The following ZBTB44 variants were observed in gnomAD, a reference collection of about 807,000 sequenced individuals.
ZBTB44 encodes zinc finger and BTB domain containing 44, also known as zinc finger and BTB domain-containing protein 44.
Under a neutral mutation model 54.0 loss-of-function variants are expected in ZBTB44, and 15 were observed. That is an observed-to-expected ratio of 0.28 (90% CI 0.19 to 0.43). The LOEUF (loss-of-function observed/expected upper bound fraction) is 0.43, where lower values mean the gene tolerates loss of function less well. Among genes scored for constraint, ZBTB44 ranks in the 20% least tolerant of loss-of-function variants. The pLI is 1.00. For missense variants in ZBTB44, 487 were observed against 707.1 expected, an observed-to-expected ratio of 0.69 and a Z score of 3.53; for synonymous variants, 230 against 250.1, an observed-to-expected ratio of 0.92 and a Z score of 0.76.
rs541167277 is a variant in ZBTB44, at chr11:130,296,787, G to T, written c.-57+17588C>A. On this transcript the variant is annotated intron_variant, in intron 1 of 7. Transcript: ENST00000357899. ...CTTTCTTTGTAAGTCAGCCCAGGAA[G>T]CATATAAGTCATACATATGAGGTTA... 153 of 768,408 alleles carry T rather than the reference G, an allele frequency of 2.0e-4. 1 individual carries two copies. The South Asian group carries it at 2.0e-3, about 10-fold the overall frequency. 47.6% of individuals were successfully genotyped at this position (768,408 alleles called of 1,614,324 possible). A position where few individuals can be genotyped will look rare whatever the true frequency, so the allele number is the denominator to read the frequency against.
chr11:130,261,264 A>G lies in ZBTB44; in HGVS notation c.610T>C (p.Ser204Pro). The G allele has an allele frequency of 6.2e-7, 1 of 1,613,916 alleles. No homozygotes were observed. The highest frequency in any genetic ancestry group is 8.5e-7 in the Non-Finnish European group (1 of 1,179,880). ...SPVKCGTQTS[S>P]PQVLNSSASY... is the part of the protein sequence containing the mutation. ...GCTGAAGAATTCAATACCTGGGGTG[A>G]GCTTGTTTGTGTGCCACACTTTACA... is the stretch of plus-strand genomic sequence containing the variant. Residue 204 changes from serine (S) to proline (P), a missense_variant, in exon 2 of 8, where the codon TCA becomes CCA. By Grantham distance (74) the Ser-to-Pro change is moderately conservative. Around this residue, in one of 3 missense-constraint regions of ZBTB44, gnomAD observed 277 missense variants for 306.5 expected, o/e 0.90. Transcript: ENST00000357899. The surrounding 1 kb of genome is among the most constrained non-coding windows in gnomAD (Gnocchi z 4.8).
In ZBTB44 at chr11:130,233,979, C is replaced by CA. The variant is rs1278274595; in HGVS notation, c.1686+176dup. 2.1e-6 allele frequency: 3 copies of CA among 1,430,438 alleles called. No homozygotes were observed. The East Asian group carries it at 8.6e-5, about 41-fold the overall frequency. 88.6% of individuals were successfully genotyped at this position (1,430,438 alleles called of 1,614,324 possible). A position where few individuals can be genotyped will look rare whatever the true frequency, so the allele number is the denominator to read the frequency against. ...ACTTTCCAAAAAACAAAACTGAAGCCAAATCACAAAACTACTCAATAGTTA... is the reference window on the plus strand; with the variant it reads ...ACTTTCCAAAAAACAAAACTGAAGCCAAAATCACAAAACTACTCAATAGTTA... On this transcript the variant is annotated intron_variant, in intron 6 of 7. Transcript: ENST00000357899.
intron 2 of ZBTB44, among the ~76,000 whole-genome samples, chr11:130,243,416 C>A (rs1402629549): frequency 6.6e-6 from 1 of 152,220 alleles, no homozygotes; most frequent in East Asian, 1.9e-4. Context: ...GCAGCATTAG[C>A]TATATGAGAT....
intron 1 of ZBTB44, among the ~76,000 whole-genome samples, chr11:130,306,581 A>C (rs1315203478): frequency 6.6e-6 from 1 of 152,202 alleles, no homozygotes; most frequent in African/African-American, 2.4e-5. Context: ...AAAGAAAAGA[A>C]GTCATTATGT....
intron 2 of ZBTB44, among the ~76,000 whole-genome samples, chr11:130,254,571 A>C (rs1280697217): frequency 1.3e-5 from 2 of 152,158 alleles, no homozygotes; most frequent in Non-Finnish European, 2.9e-5. Flanking sequence ...AAAGTCAGGA[A>C]ACAACAGGTG....
intron 2 of ZBTB44, among the ~76,000 whole-genome samples, chr11:130,259,728 T>C (rs572592500): frequency 2.0e-4 from 31 of 151,942 alleles, no homozygotes; most frequent in Non-Finnish European, 1.3e-4. Flanking sequence ...CCACATGTTC[T>C]TACTAATAAG....
intron 5 of ZBTB44, among the ~76,000 whole-genome samples, chr11:130,235,585 G>A (rs1954072614): frequency 6.6e-6 from 1 of 152,052 alleles, no homozygotes; most frequent in Non-Finnish European, 1.5e-5. Context: ...GGAGTTCGAG[G>A]CTGCAGTGCA....
At chr11:130,252,921 A>G (rs1938138681) in intron 2 of ZBTB44, among the ~76,000 whole-genome samples, 1 of 152,220 alleles carries the variant, frequency 6.6e-6, no homozygotes, top group African/African-American at 2.4e-5. Context: ...ATGCAAATCA[A>G]TAAACGTAAT....
chr11:130,245,247 C>T (rs1591943312), intron 2 of ZBTB44, among the ~76,000 whole-genome samples: 3 of 152,202 alleles, frequency 2.0e-5, no homozygotes, highest in Non-Finnish European at 1.5e-5. Context: ...CTGCTTTTCC[C>T]CTATGTCTAC....
intron 1 of ZBTB44, among the ~76,000 whole-genome samples, chr11:130,288,812 G>A (rs184850628): frequency 1.2e-4 from 18 of 151,326 alleles, no homozygotes; most frequent in Admixed American, 1.1e-3. Context: ...CACGAGAATC[G>A]CTTGAACCCG....
intron 1 of ZBTB44, among the ~76,000 whole-genome samples, chr11:130,290,657 C>T (rs34769848): frequency 0.12 from 18,432 of 152,150 alleles, 1,292 homozygotes; most frequent in African/African-American, 0.2. Flanking sequence ...CTTATTAGCC[C>T]ACAGCTTGAT....
chr11:130,240,633 C>A (rs1402929583), intron 2 of ZBTB44, among the ~76,000 whole-genome samples: 1 of 152,226 alleles, frequency 6.6e-6, no homozygotes, highest in Non-Finnish European at 1.5e-5. Flanking sequence ...ACACAAGCCA[C>A]ACGAAAGCAC....
rs1189889463 is a variant in ZBTB44 at position 130,233,729 on chromosome 11, A to G, written c.1687-347T>C. ...TTTAACAATGGAAGAAGGAACTGGT[A>G]TATGTTTTAAGTCAACCAGTTCTCC... On this transcript the variant is annotated intron_variant, in intron 6 of 7. Coordinates refer to ENST00000357899, the MANE Select transcript of ZBTB44 (RefSeq NM_001301098.2). 1.2e-5 allele frequency: 14 copies of G among 1,168,616 alleles called. No homozygotes were observed. In the South Asian group the frequency reaches 1.4e-4, roughly 11 times the overall value. 72.4% of individuals were successfully genotyped at this position (1,168,616 alleles called of 1,614,324 possible).
intron 2 of ZBTB44, among the ~76,000 whole-genome samples, chr11:130,251,750 T>C (rs540450527): frequency 7.9e-5 from 12 of 152,300 alleles, no homozygotes; most frequent in African/African-American, 2.9e-4. Flanking sequence ...AGGGTTGCCT[T>C]ACAAGAGCTC....
chr11:130,240,056 T>TTC (rs1246442976), intron 2 of ZBTB44, among the ~76,000 whole-genome samples, 160 bp from the exon 3 acceptor site: 4 of 151,430 alleles, frequency 2.6e-5, no homozygotes, highest in Non-Finnish European at 5.9e-5. Flanking sequence ...TTTTTTTTTT[T>TTC]TTTGAGACTG....
At position 130,300,730 on chromosome 11, in the gene ZBTB44, C is replaced by T. The variant is rs1265462742; in HGVS notation, c.-57+13645G>A. On this transcript the variant is annotated intron_variant, in intron 1 of 7. Coordinates refer to ENST00000357899, the MANE Select transcript of ZBTB44 (RefSeq NM_001301098.2). ...AACCAAAGTCTATTTGATTTAGCCACAGAGGAATCACTGATGACCTTATAA... is the reference window on the plus strand; with the variant it reads ...AACCAAAGTCTATTTGATTTAGCCATAGAGGAATCACTGATGACCTTATAA... Among the ~76,000 whole-genome samples, 5 of 152,092 alleles carry T rather than the reference C, an allele frequency of 3.3e-5. No homozygotes were observed. In the East Asian group the frequency reaches 9.7e-4, roughly 29 times the overall value.
At chr11:130,307,598 A>G (rs1234844806) in intron 1 of ZBTB44, among the ~76,000 whole-genome samples, 1 of 152,168 alleles carries the variant, frequency 6.6e-6, no homozygotes, top group Non-Finnish European at 1.5e-5. Context: ...ATGATATACA[A>G]TCATGCGTGG....
intron 1 of ZBTB44, among the ~76,000 whole-genome samples, chr11:130,264,803 T>C (rs146099615): frequency 4.3e-4 from 65 of 152,352 alleles, no homozygotes; most frequent in African/African-American, 1.4e-3. Context: ...CTTTGCTTTA[T>C]TAAACTTTGC....
At chr11:130,312,842 T>C (rs1942698008) in intron 1 of ZBTB44, among the ~76,000 whole-genome samples, 1 of 152,176 alleles carries the variant, frequency 6.6e-6, no homozygotes, top group African/African-American at 2.4e-5. Flanking sequence ...ATAATGATAC[T>C]GGGGTTAGTA....
Sources: allele counts gnomAD v4.1 joint callset (sites outside exome capture counted in the v4.1 genomes callset), GRCh38; gene constraint gnomAD v4.1.1; regional missense constraint gnomAD v4.1.1; non-coding constraint Gnocchi (gnomAD v3.1); transcripts MANE v1.5; gene names NCBI Gene and HGNC (gene_info 2026-07-23, HGNC 2026-07-21).